Variants in PLXNA4 observed in about 807,000 individuals in gnomAD.
PLXNA4 encodes plexin-A4.
Under a neutral mutation model 191.8 loss-of-function variants are expected in PLXNA4, and 44 were observed. That is an observed-to-expected ratio of 0.23 (90% CI 0.18 to 0.29). The LOEUF (loss-of-function observed/expected upper bound fraction) is 0.29, where lower values mean the gene tolerates loss of function less well. Among genes scored for constraint, PLXNA4 ranks in the 10% least tolerant of loss-of-function variants. The probability of loss-of-function intolerance (pLI) is 1.00; values close to 1 mark genes in which losing one functional copy is unlikely to be tolerated. For missense variants in PLXNA4, 1,800 were observed against 2,488.8 expected (o/e 0.72, Z 5.89); for synonymous variants, 1,082 against 1,009.5 (o/e 1.07, Z -1.36).
At position 132,506,956 on chromosome 7, in the gene PLXNA4, G is replaced by A. The variant is rs1180539749; in HGVS notation, c.1188+550C>T. 2.0e-5 allele frequency among the ~76,000 whole-genome samples: 3 copies of A among 152,180 alleles called. No individual in the cohort carries two copies. The East Asian group carries it at 5.8e-4, about 29-fold the overall frequency. ...GTGTTCACTGCACTCTTACCTGACTGTGCTCTCATTTTAGCATTTCCTAAA... is the reference window on the plus strand; with the variant it reads ...GTGTTCACTGCACTCTTACCTGACTATGCTCTCATTTTAGCATTTCCTAAA... On this transcript the variant is annotated intron_variant, in intron 2 of 31. Transcript: ENST00000321063.
chr7:132,404,895 C>G lies in PLXNA4; in HGVS notation c.1371+84397G>C, dbSNP rs778522468. 3.2e-4 allele frequency among the ~76,000 whole-genome samples: 49 copies of G among 152,206 alleles called. No homozygotes were observed. In the Middle Eastern group the frequency reaches 0.017, roughly 53 times the overall value. ...ACGAAGCTTCAGGGGGAGTACTGCA[C>G]AGGGTGGGGTACTACTGCCTTCCTG... On this transcript the variant is annotated intron_variant, in intron 3 of 31. Transcript: ENST00000321063.
chr7:132,334,354 C>T (rs1802730521), intron 3 of PLXNA4, among the ~76,000 whole-genome samples: 1 of 149,528 alleles, frequency 6.7e-6, no homozygotes, highest in African/African-American at 2.5e-5. Context: ...ACCTCCCAGG[C>T]TCAGATGATC....
At chr7:132,525,225 G>A (rs1799352086) in intron 1 of PLXNA4, among the ~76,000 whole-genome samples, 1 of 152,166 alleles carries the variant, frequency 6.6e-6, no homozygotes, top group Non-Finnish European at 1.5e-5. Context: ...GTTCATTCAT[G>A]TGGTAACATG....
intron 3 of PLXNA4, among the ~76,000 whole-genome samples, chr7:132,369,753 C>A (rs1001818470): frequency 6.6e-6 from 1 of 150,864 alleles, no homozygotes; most frequent in African/African-American, 2.4e-5. Flanking sequence ...TCCATTACGG[C>A]CCCCCGAGAA....
At chr7:132,549,204 GT>G (rs1800444416) in intron 1 of PLXNA4, among the ~76,000 whole-genome samples, 2 of 152,040 alleles carry the variant, frequency 1.3e-5, no homozygotes, top group Non-Finnish European at 1.5e-5. Context: ...ATAAACTTGC[GT>G]TTGCTTTACT....
At chr7:132,229,113 A>G (rs1798436122) in intron 5 of PLXNA4, among the ~76,000 whole-genome samples, 1 of 152,246 alleles carries the variant, frequency 6.6e-6, no homozygotes, top group Non-Finnish European at 1.5e-5. Context: ...TTTCAAAAAA[A>G]GCAGCTATGT....
intron 20 of PLXNA4, among the ~76,000 whole-genome samples, chr7:132,176,403 C>T (rs1001271486): frequency 3.9e-5 from 6 of 152,196 alleles, no homozygotes; most frequent in Non-Finnish European, 7.3e-5. Context: ...CCCTGGGGAA[C>T]ATTCATGTGT....
At chr7:132,310,418 G>A (rs907679255) in intron 3 of PLXNA4, among the ~76,000 whole-genome samples, 7 of 152,238 alleles carry the variant, frequency 4.6e-5, no homozygotes, top group African/African-American at 1.7e-4. Context: ...GGGAACACCA[G>A]TTGCTTAATA....
chr7:132,467,024 G>A (rs1454964778), intron 3 of PLXNA4, among the ~76,000 whole-genome samples: 6 of 152,156 alleles, frequency 3.9e-5, no homozygotes, highest in Non-Finnish European at 8.8e-5. Flanking sequence ...GACTCCCTAA[G>A]CAGCCCGGTC....
intron 3 of PLXNA4, among the ~76,000 whole-genome samples, chr7:132,453,523 A>G (rs1372434302): frequency 6.7e-6 from 1 of 150,316 alleles, no homozygotes; most frequent in Non-Finnish European, 1.5e-5. Flanking sequence ...CCAGTTTCCC[A>G]TTGCATCCTT....
At chr7:132,235,069 T>C (rs546558597) in intron 5 of PLXNA4, among the ~76,000 whole-genome samples, 1 of 152,336 alleles carries the variant, frequency 6.6e-6, no homozygotes, top group South Asian at 2.1e-4. Context: ...GGTTGAAGCC[T>C]TCCAAGGGGA....
At chr7:132,324,600 G>A (rs1048670346) in intron 3 of PLXNA4, among the ~76,000 whole-genome samples, 1 of 152,162 alleles carries the variant, frequency 6.6e-6, no homozygotes, top group Admixed American at 6.6e-5. Context: ...AGATTTATTT[G>A]GGATAAACCA....
intron 9 of PLXNA4, among the ~76,000 whole-genome samples, chr7:132,222,450 T>C: frequency 6.6e-6 from 1 of 152,180 alleles, no homozygotes; most frequent in East Asian, 1.9e-4. Flanking sequence ...GGCCTGTGTG[T>C]TCTCTCAATG....
chr7:132,531,864 C>G (rs1343364907), intron 1 of PLXNA4, among the ~76,000 whole-genome samples: 2 of 152,190 alleles, frequency 1.3e-5, no homozygotes, highest in African/African-American at 4.8e-5. Context: ...GCATTCTTAA[C>G]AAGTTTCCAG....
At chr7:132,331,064 G>T (rs1436662489) in intron 3 of PLXNA4, among the ~76,000 whole-genome samples, 1 of 152,066 alleles carries the variant, frequency 6.6e-6, no homozygotes, top group African/African-American at 2.4e-5. Context: ...GTGGGGAGGG[G>T]CCGCTCAACC....
chr7:132,167,917 G>T (rs758221783), intron 22 of PLXNA4, among the ~76,000 whole-genome samples: 1 of 152,176 alleles, frequency 6.6e-6, no homozygotes, highest in African/African-American at 2.4e-5. Context: ...GATGGCATGA[G>T]GCCACAGGTC....
At position 132,272,427 on chromosome 7, in the gene PLXNA4, G is replaced by T. The variant is rs142872151; in HGVS notation, c.1503+25664C>A. Among the ~76,000 whole-genome samples, 503 of 152,216 alleles carry T rather than the reference G, an allele frequency of 3.3e-3. 5 individuals are homozygous for T. Among genetic ancestry groups the T allele is most frequent in the African/African-American group, 0.011 (456 of 41,524 alleles). Reference sequence around the variant, plus strand: ...TAAATTAAATAAGCCCCTGGCAGTGGATCACAAAAACTTCTTGCTTGGTAT... The same window carrying T: ...TAAATTAAATAAGCCCCTGGCAGTGTATCACAAAAACTTCTTGCTTGGTAT... On this transcript the variant is annotated intron_variant, in intron 4 of 31. Transcript: ENST00000321063.
rs145828587 is a variant in PLXNA4 at position 132,191,772 on chromosome 7, A to ATCTCTCTCTCTCTCTCTCTCTC, written c.2856+2268_2856+2289dup. Among the ~76,000 whole-genome samples the ATCTCTCTCTCTCTCTCTCTCTC allele has an allele frequency of 8.0e-3, 1,141 of 142,684 alleles. 24 individuals carry two copies. The highest frequency in any genetic ancestry group is 0.024 in the East Asian group (115 of 4,836). 93.6% of individuals were successfully genotyped at this position (142,684 alleles called of 152,430 possible). A position where few individuals can be genotyped will look rare whatever the true frequency, so the allele number is the denominator to read the frequency against. ...GGCGAATGTCATCCCTCCTCTCTCC[A>ATCTCTCTCTCTCTCTCTCTCTC]TCTCTCTCTCTCTCTCTCTCTCTGT... On this transcript the variant is annotated intron_variant, in intron 14 of 31. Transcript: ENST00000321063.
At chr7:132,435,917 C>A (rs1795453996) in intron 3 of PLXNA4, among the ~76,000 whole-genome samples, 2 of 152,338 alleles carry the variant, frequency 1.3e-5, no homozygotes, top group Middle Eastern at 3.4e-3. Flanking sequence ...CAGCTTCCAA[C>A]AATTTCTCAG....
Sources: gnomAD v4.1 joint callset for allele counts (sites outside exome capture counted in the v4.1 genomes callset) on GRCh38, gnomAD v4.1.1 for gene constraint, MANE v1.5 for transcripts, NCBI Gene and HGNC (gene_info 2026-07-23, HGNC 2026-07-21) for gene names.